The following RAB33A variants were observed in gnomAD, a reference collection of about 807,000 sequenced individuals.
RAB33A encodes the protein ras-related protein Rab-33A.
In RAB33A, 6 loss-of-function variants were observed where a neutral mutation model predicts 12.0. The ratio of observed to expected loss-of-function variants is 0.50; its 90% confidence interval spans 0.27 to 0.99. The LOEUF (loss-of-function observed/expected upper bound fraction) is 0.99. Ranked by LOEUF, RAB33A falls within the 50% of genes least tolerant of loss-of-function variation. RAB33A has a pLI of 0.11. For synonymous variants in RAB33A, 70 were observed against 82.4 expected, an observed-to-expected ratio of 0.85 and a Z score of 0.81; for missense variants, 109 against 192.0, an observed-to-expected ratio of 0.57 and a Z score of 2.55.
chrX:130,125,266 G>A, the RAB33A span, among the ~76,000 whole-genome samples: 1 of 111,426 alleles, frequency 9.0e-6, no homozygotes, highest in African/African-American at 3.3e-5. Context: ...GGTTTCCATC[G>A]AGGGCTTGGC....
the RAB33A span, chrX:130,138,044 A>G: frequency 8.9e-6 from 1 of 112,196 alleles, no homozygotes; most frequent in Non-Finnish European, 1.8e-5. Flanking sequence ...CCTGGGCAAC[A>G]AGAGTGAAAC....
At chrX:130,140,664 A>G in the RAB33A span, 8 of 1,003,932 alleles carry the variant, frequency 8.0e-6, no homozygotes, top group Non-Finnish European at 1.1e-5. Context: ...ATGAATTAGC[A>G]TTGAAAAAGT....
chrX:130,150,977 CAAAAAAA>C, the RAB33A span, among the ~76,000 whole-genome samples: 1 of 27,813 alleles, frequency 3.6e-5, no homozygotes. Flanking sequence ...GACTCTGTCT[CAAAAAAA>C]AAAAAAAAAA....
the RAB33A span, among the ~76,000 whole-genome samples, chrX:130,150,163 C>T: frequency 3.6e-5 from 4 of 111,019 alleles, no homozygotes; most frequent in Non-Finnish European, 1.9e-5. Context: ...AAAAACTACA[C>T]ACAGATATTT....
chrX:130,180,159 C>G (rs1403156366), intron 1 of RAB33A, among the ~76,000 whole-genome samples: 1 of 111,131 alleles, frequency 9.0e-6, no homozygotes, highest in Non-Finnish European at 1.9e-5. Flanking sequence ...AGTTTGAAAC[C>G]AGGTTGGGAA....
At chrX:130,121,583 C>T in the RAB33A span, among the ~76,000 whole-genome samples, 4 of 112,518 alleles carry the variant, frequency 3.6e-5, no homozygotes, top group East Asian at 1.1e-3. Flanking sequence ...ACTGGAGCGG[C>T]TCTGGGCTCC....
intron 1 of RAB33A, among the ~76,000 whole-genome samples, chrX:130,182,157 A>AAAAAT (rs1384841230): frequency 1.8e-4 from 8 of 44,630 alleles, no homozygotes; most frequent in African/African-American, 3.7e-4. Flanking sequence ...AAAAAAAAAA[A>AAAAAT]ATATATATAT....
chrX:130,110,822 G>C, the RAB33A span: 1 of 105,559 alleles, frequency 9.5e-6, no homozygotes, highest in South Asian at 4.3e-4. Flanking sequence ...CGGGGCGGCA[G>C]GGGCGCCCGG....
the RAB33A span, chrX:130,133,164 G>A: frequency 1.5e-3 from 1,032 of 695,101 alleles, 7 homozygotes; most frequent in African/African-American, 0.02. Context: ...ATGGCTACCT[G>A]AGGGTAGAAT....
chrX:130,132,743 T>A, the RAB33A span, among the ~76,000 whole-genome samples: 1 of 32,055 alleles, frequency 3.1e-5, no homozygotes, highest in Non-Finnish European at 5.2e-5. Flanking sequence ...CTGACACTCC[T>A]TTTTTTTTTT....
At chrX:130,121,582 G>A in the RAB33A span, among the ~76,000 whole-genome samples, 1 of 112,519 alleles carries the variant, frequency 8.9e-6, no homozygotes, top group Admixed American at 9.4e-5. Flanking sequence ...AACTGGAGCG[G>A]CTCTGGGCTC....
At chrX:130,179,475 C>T (rs1339756692) in intron 1 of RAB33A, among the ~76,000 whole-genome samples, 1 of 108,645 alleles carries the variant, frequency 9.2e-6, no homozygotes, top group Non-Finnish European at 1.9e-5. Flanking sequence ...GTGAAGACTC[C>T]TGGGGGGTGG....
At chrX:130,182,792 G>C (rs1213681695) in intron 1 of RAB33A, among the ~76,000 whole-genome samples, 1 of 111,699 alleles carries the variant, frequency 9.0e-6, no homozygotes, top group East Asian at 2.8e-4. Context: ...GAAAAATTCT[G>C]TATTCTGCAT....
At chrX:130,152,393 AG>A in the RAB33A span, among the ~76,000 whole-genome samples, 3 of 111,815 alleles carry the variant, frequency 2.7e-5, no homozygotes, top group Admixed American at 9.5e-5. Context: ...CTTTCCCCCA[AG>A]GGTTTCTGTA....
chrX:130,156,783 T>C, the RAB33A span, among the ~76,000 whole-genome samples: 11 of 112,137 alleles, frequency 9.8e-5, no homozygotes, highest in Non-Finnish European at 1.9e-4. Context: ...GAATGAACGC[T>C]CTTAAGTTGC....
chrX:130,175,462 T>C (rs2031654577), intron 1 of RAB33A, among the ~76,000 whole-genome samples: 2 of 108,224 alleles, frequency 1.8e-5, no homozygotes, highest in Non-Finnish European at 3.8e-5. Flanking sequence ...TCAATTTGTA[T>C]CCAGGACACA....
chrX:130,112,401 G>A, the RAB33A span, among the ~76,000 whole-genome samples: 1 of 111,601 alleles, frequency 9.0e-6, no homozygotes, highest in Admixed American at 9.5e-5. Flanking sequence ...GGACAGACAC[G>A]TCTGCACACG....
At chrX:130,142,548 C>G in the RAB33A span, among the ~76,000 whole-genome samples, 1 of 111,969 alleles carries the variant, frequency 8.9e-6, no homozygotes, top group African/African-American at 3.2e-5. Context: ...ATTCTATGTC[C>G]TCTTCACGCT....
the RAB33A span, among the ~76,000 whole-genome samples, chrX:130,157,953 CAA>C: frequency 6.5e-5 from 3 of 46,153 alleles, no homozygotes; most frequent in Non-Finnish European, 4.0e-5. Context: ...GACTCCGTCT[CAA>C]AAAAAAAAAA....
Sources: allele counts gnomAD v4.1 joint callset (sites outside exome capture counted in the v4.1 genomes callset), GRCh38; gene constraint gnomAD v4.1.1; transcripts MANE v1.5; gene names NCBI Gene and HGNC (gene_info 2026-07-23, HGNC 2026-07-21).